IGDCC4: variants seen among roughly 807,000 people sequenced by gnomAD.
The protein encoded by IGDCC4 is likely ortholog of mouse neighbor of Punc E11.
A neutral mutation model predicts 116.6 loss-of-function variants in IGDCC4; 72 were observed. The observed-to-expected ratio is 0.62, with a 90% confidence interval of 0.51 to 0.75. The LOEUF is 0.75. IGDCC4 is among the 30% of genes least tolerant of loss of function. IGDCC4 has a pLI of 0.00. For synonymous variants in IGDCC4, 709 were observed against 719.9 expected (o/e 0.98, Z 0.24); for missense variants, 1,501 against 1,662.4 (o/e 0.90, Z 1.69).
chr15:65,411,406 G>T (rs373248763), intron 1 of IGDCC4, 36 bp from the exon 2 acceptor site: 1 of 1,488,348 alleles, frequency 6.7e-7, no homozygotes, highest in Non-Finnish European at 9.0e-7. Context: ...ATCAGTGTAT[G>T]TCCCCCCACC....
intron 4 of IGDCC4, 101 bp from the exon 5 acceptor site, chr15:65,401,047 C>A: frequency 1.4e-6 from 2 of 1,473,580 alleles, no homozygotes; most frequent in South Asian, 2.3e-5. Flanking sequence ...GTACCGGGGA[C>A]AGCAGCAATG....
intron 3 of IGDCC4, among the ~76,000 whole-genome samples, chr15:65,405,014 C>G (rs1299815753): frequency 6.6e-6 from 1 of 151,834 alleles, no homozygotes; most frequent in East Asian, 1.9e-4. Context: ...ATTGTGCCAC[C>G]GCACTCCAAC....
chr15:65,396,553 C>T (rs1274748892), intron 6 of IGDCC4: 4 of 576,820 alleles, frequency 6.9e-6, no homozygotes, highest in Non-Finnish European at 1.2e-5. Context: ...GATCACTCCA[C>T]TATCCCCACA....
intron 3 of IGDCC4, among the ~76,000 whole-genome samples, chr15:65,404,655 T>G (rs1358024845): frequency 6.9e-6 from 1 of 144,652 alleles, no homozygotes; most frequent in Non-Finnish European, 1.5e-5. Context: ...TAACATTCCC[T>G]TAATGATGTG....
Position 65,390,147 on chromosome 15 carries a change from G to C in IGDCC4, c.2408+8C>G, listed in dbSNP as rs774936674. Reference sequence around the variant, plus strand: ...CTTCTTTACATTAGTAAAGGCATTAGTCCCCACCTGGTGTAATAGGTGACC... The same window carrying C: ...CTTCTTTACATTAGTAAAGGCATTACTCCCCACCTGGTGTAATAGGTGACC... On this transcript the variant is annotated splice_region_variant and intron_variant, in intron 13 of 19. Transcript: ENST00000352385. 2 of 1,566,458 alleles carry C rather than the reference G, an allele frequency of 1.3e-6. No individual in the cohort carries two copies. Among genetic ancestry groups the C allele is most frequent in the African/African-American group, 2.7e-5 (2 of 74,110 alleles).
At position 65,393,408 on chromosome 15, in the gene IGDCC4, G is replaced by C; in HGVS notation, c.1838C>G (p.Ser613Cys). ...AGTAAGFGAP[S>C]QWMHHRTPSM... ...GGGCGTCCTGTGATGCATCCACTGGGAGGGGGCCCCGAAGCCGGCTGCTGT... is the reference window on the plus strand; with the variant it reads ...GGGCGTCCTGTGATGCATCCACTGGCAGGGGGCCCCGAAGCCGGCTGCTGT... The change falls in exon 10 of 20, where the codon TCC becomes TGC. Residue 613 changes from serine (S) to cysteine (C), a missense_variant. Transcript: ENST00000352385. This position sits in a 1 kb window ranked among gnomAD's most constrained non-coding sequence, Gnocchi z 4.6. 1 of 1,613,486 alleles carries C rather than the reference G, an allele frequency of 6.2e-7. No individual in the cohort carries two copies. Among genetic ancestry groups the C allele is most frequent in the Non-Finnish European group, 8.5e-7 (1 of 1,179,756 alleles).
Position 65,385,060 on chromosome 15 carries a change from T to C in IGDCC4, c.3236A>G (p.Glu1079Gly), listed in dbSNP as rs1470707883. 4.4e-6 allele frequency: 7 copies of C among 1,603,326 alleles called. No homozygotes were observed. Among genetic ancestry groups the C allele is most frequent in the Non-Finnish European group, 5.9e-6 (7 of 1,177,126 alleles). ...LSWAGSWAGC[E>G]LPQAGPRPAL... ...CGGCCGGGGGCCTGCCTGGGGCAGC[T>C]CACAGCCTGCCCAGGAACCAGCCCA... Residue 1079 changes from glutamate to glycine, a missense_variant, in exon 19 of 20, where the codon GAG becomes GGG. Glu to Gly is a moderately conservative substitution (Grantham distance 98). Transcript: ENST00000352385.
At chr15:65,394,345 C>G (rs892833383) in intron 9 of IGDCC4, 66 bp downstream of exon 9, 1 of 1,601,306 alleles carries the variant, frequency 6.2e-7, no homozygotes, top group African/African-American at 1.3e-5. Flanking sequence ...AGGTCTCCAG[C>G]AGCCCTGACA....
intron 4 of IGDCC4, among the ~76,000 whole-genome samples, chr15:65,401,872 G>C (rs760873531): frequency 2.6e-5 from 4 of 152,324 alleles, no homozygotes; most frequent in African/African-American, 9.6e-5. Flanking sequence ...TGGGGCAAGA[G>C]CTTTTCAAAG....
At position 65,383,855 on chromosome 15, in the gene IGDCC4, C is replaced by A; in HGVS notation, c.*154G>T. 1.7e-6 allele frequency: 1 copy of A among 597,256 alleles called. No homozygotes were observed. Among genetic ancestry groups the A allele is most frequent in the Non-Finnish European group, 2.8e-6 (1 of 355,622 alleles). The allele number at this position is 597,256 out of a possible 1,614,324, so 37.0% of individuals were successfully genotyped here. On this transcript the variant is annotated 3_prime_UTR_variant, in exon 20 of 20. Transcript: ENST00000352385. ...AAGAGTATGGGGGGAGTGAATAATC[C>A]ATGTTTTCCTCTCCCCTCAGCCAAA... is the stretch of plus-strand genomic sequence containing the variant.
At chr15:65,394,209 C>T (rs1384780226) in intron 9 of IGDCC4, among the ~76,000 whole-genome samples, 1 of 152,042 alleles carries the variant, frequency 6.6e-6, no homozygotes, top group Non-Finnish European at 1.5e-5. Context: ...GAGCCCAGGC[C>T]TCCCTCTGCC....
At position 65,395,963 on chromosome 15, in the gene IGDCC4, C is replaced by T. The variant is rs568547608; in HGVS notation, c.1198G>A (p.Ala400Thr). 5 of 1,583,796 alleles carry T rather than the reference C, an allele frequency of 3.2e-6. No individual in the cohort carries two copies. In the South Asian group the frequency reaches 3.4e-5, roughly 11 times the overall value. Residue 400 changes from alanine (A) to threonine (T), a missense_variant, in exon 7 of 20, where the codon GCC becomes ACC. Coordinates refer to ENST00000352385, the MANE Select transcript of IGDCC4 (RefSeq NM_020962.3). ...LVITQIGLQD[A>T]GYYQCVAENS... ...TCAGCCACGCACTGGTAGTAGCCGGCGTCCTGCAGGCCGATCTGTGTGATG... is the reference window on the plus strand; with the variant it reads ...TCAGCCACGCACTGGTAGTAGCCGGTGTCCTGCAGGCCGATCTGTGTGATG...
intron 17 of IGDCC4, 45 bp from the exon 18 acceptor site, chr15:65,386,104 G>C (rs2091455910): frequency 8.1e-7 from 1 of 1,242,034 alleles, no homozygotes; most frequent in East Asian, 2.5e-5. Context: ...CAGAGTAAGG[G>C]GTCAGGCGGG....
At position 65,396,542 on chromosome 15, in the gene IGDCC4, A is replaced by G. The variant is rs2062929069; in HGVS notation, c.997+292T>C. On this transcript the variant is annotated intron_variant, in intron 6 of 19. Transcript: ENST00000352385. ...CCCCCCAGTTTTCTTAGTACCACTC[A>G]GATCACTCCACTATCCCCACAATAA... 4 of 568,592 alleles carry G rather than the reference A, an allele frequency of 7.0e-6. No individual in the cohort carries two copies. In the South Asian group the frequency reaches 8.0e-5, roughly 11 times the overall value. 35.2% of individuals were successfully genotyped at this position (568,592 alleles called of 1,614,324 possible).
At chr15:65,399,438 G>C (rs1029522729) in intron 5 of IGDCC4, among the ~76,000 whole-genome samples, 7 of 144,696 alleles carry the variant, frequency 4.8e-5, no homozygotes, top group African/African-American at 1.8e-4. Context: ...CTCCAGCCTG[G>C]GTGACAGGCA....
At position 65,384,826 on chromosome 15, in the gene IGDCC4, G is replaced by T; in HGVS notation, c.3342+128C>A. On this transcript the variant is annotated intron_variant, in intron 19 of 19. Transcript: ENST00000352385. The surrounding 1 kb of genome is among the most constrained non-coding windows in gnomAD (Gnocchi z 4.9). Reference sequence around the variant, plus strand: ...TACTCAACCTTTGGAGGCTCCAGGGGTCTCCTGGCTAGACTTCTATCCCCA... The same window carrying T: ...TACTCAACCTTTGGAGGCTCCAGGGTTCTCCTGGCTAGACTTCTATCCCCA... The T allele has an allele frequency of 4.8e-6, 6 of 1,262,722 alleles. No individual in the cohort carries two copies. Among genetic ancestry groups the T allele is most frequent in the South Asian group, 1.5e-5 (1 of 66,554 alleles). 78.2% of individuals were successfully genotyped at this position (1,262,722 alleles called of 1,614,324 possible). A position where few individuals can be genotyped will look rare whatever the true frequency, so the allele number is the denominator to read the frequency against.
intron 12 of IGDCC4, 82 bp from the exon 13 acceptor site, chr15:65,390,420 G>A: frequency 8.3e-7 from 1 of 1,207,322 alleles, no homozygotes; most frequent in Non-Finnish European, 1.1e-6. Flanking sequence ...AGTTCCCAAG[G>A]CTGTTTCTTT....
At position 65,392,195 on chromosome 15, in the gene IGDCC4, A is replaced by G. The variant is rs2277582; in HGVS notation, c.2061T>C (p.Ala687=). ...DRLPGGRGDQ[A]WDVGPVRLKK... ...TGAGCCGGACAGGCCCCACATCCCA[A>G]GCCTGGTCTCCACGGCCCCCTGGCA... Residue 687 remains alanine, a synonymous_variant, in exon 11 of 20, where the codon GCT becomes GCC. Coordinates refer to ENST00000352385, the MANE Select transcript of IGDCC4 (RefSeq NM_020962.3). 0.17 allele frequency: 266,467 copies of G among 1,612,598 alleles called. 23,274 individuals carry two copies. The highest frequency in any genetic ancestry group is 0.31 in the Admixed American group (18,692 of 59,804).
chr15:65,385,396 G>T, intron 18 of IGDCC4: 1 of 540,630 alleles, frequency 1.8e-6, no homozygotes. Flanking sequence ...AGGACGGGTC[G>T]GAGTTGGGTG....
Sources: allele counts gnomAD v4.1 joint callset (sites outside exome capture counted in the v4.1 genomes callset), GRCh38; gene constraint gnomAD v4.1.1; non-coding constraint Gnocchi (gnomAD v3.1); transcripts MANE v1.5; gene names NCBI Gene and HGNC (gene_info 2026-07-23, HGNC 2026-07-21).